SLC8A1: variants seen among roughly 807,000 people sequenced by gnomAD.
SLC8A1 encodes sodium/calcium exchanger 1.
A neutral mutation model predicts 68.3 loss-of-function variants in SLC8A1; 18 were observed. The ratio of observed to expected loss-of-function variants is 0.26; its 90% confidence interval spans 0.18 to 0.39. The LOEUF (loss-of-function observed/expected upper bound fraction) is 0.39, where lower values mean the gene tolerates loss of function less well. Ranked by LOEUF, SLC8A1 falls within the 10% of genes least tolerant of loss-of-function variation. SLC8A1 has a pLI of 1.00. For missense variants in SLC8A1, 985 were observed against 1,156.7 expected (o/e 0.85, Z 2.15); for synonymous variants, 475 against 415.5 (o/e 1.14, Z -1.74).
At chr2:40,335,388 C>T (rs1427801423) in intron 2 of SLC8A1, among the ~76,000 whole-genome samples, 4 of 152,132 alleles carry the variant, frequency 2.6e-5, no homozygotes, top group Non-Finnish European at 5.9e-5. Flanking sequence ...GATATGGCTT[C>T]ATCTGGAAAG....
rs575233407 is a variant in SLC8A1 at position 40,134,127 on chromosome 2, T to G, written c.2437+5274A>C. 3.3e-5 allele frequency among the ~76,000 whole-genome samples: 5 copies of G among 151,824 alleles called. No individual in the cohort carries two copies. The East Asian group carries it at 9.7e-4, about 29-fold the overall frequency. On this transcript the variant is annotated intron_variant, in intron 7 of 7. Transcript: ENST00000406785. Reference sequence around the variant, plus strand: ...TTTTTTTTGAGATGGAATCTTGCTCTGTTGCCCAGGCTGGAGTGCAGTGGT... The same window carrying G: ...TTTTTTTTGAGATGGAATCTTGCTCGGTTGCCCAGGCTGGAGTGCAGTGGT...
At chr2:40,273,349 T>A (rs773120320) in intron 2 of SLC8A1, among the ~76,000 whole-genome samples, 1 of 152,060 alleles carries the variant, frequency 6.6e-6, no homozygotes, top group African/African-American at 2.4e-5. Context: ...CGCCTCGGCT[T>A]CCCAAAGCGC....
chr2:40,448,092 C>T (rs962807609), intron 1 of SLC8A1, among the ~76,000 whole-genome samples: 9 of 152,188 alleles, frequency 5.9e-5, no homozygotes, highest in African/African-American at 1.7e-4. Context: ...GCAAGGACTA[C>T]GAGCAACTGT....
At chr2:40,174,710 C>G in intron 4 of SLC8A1, 1 of 1,530,070 alleles carries the variant, frequency 6.5e-7, no homozygotes. Context: ...TCTTACCAAA[C>G]AGGTATTTTC....
intron 7 of SLC8A1, among the ~76,000 whole-genome samples, chr2:40,119,661 T>C (rs1363678424): frequency 6.6e-6 from 1 of 152,186 alleles, no homozygotes; most frequent in Non-Finnish European, 1.5e-5. Flanking sequence ...GATAAAAACT[T>C]TTATATATGG....
chr2:40,373,883 G>A (rs1678954657), intron 2 of SLC8A1, among the ~76,000 whole-genome samples: 1 of 152,074 alleles, frequency 6.6e-6, no homozygotes, highest in South Asian at 2.1e-4. Flanking sequence ...AATAGGTTTA[G>A]GTATTCTCTT....
chr2:40,281,416 T>G (rs1030676569), intron 2 of SLC8A1, among the ~76,000 whole-genome samples: 3 of 152,096 alleles, frequency 2.0e-5, no homozygotes, highest in Admixed American at 1.3e-4. Flanking sequence ...AGTTGAAAGG[T>G]GCTATAAACA....
At chr2:40,479,786 A>G (rs1704513838) in intron 1 of SLC8A1, among the ~76,000 whole-genome samples, 1 of 152,112 alleles carries the variant, frequency 6.6e-6, no homozygotes, top group African/African-American at 2.4e-5. Context: ...CAATTAAAAA[A>G]CCATTAATAT....
chr2:40,408,642 G>T (rs1389174578), intron 2 of SLC8A1, among the ~76,000 whole-genome samples: 1 of 152,136 alleles, frequency 6.6e-6, no homozygotes, highest in East Asian at 1.9e-4. Context: ...TACAATAACA[G>T]CTTCTAATGA....
chr2:40,375,292 T>A (rs12478677), intron 2 of SLC8A1, among the ~76,000 whole-genome samples: 1 of 151,550 alleles, frequency 6.6e-6, no homozygotes, highest in Non-Finnish European at 1.5e-5. Context: ...CAAGACAGAA[T>A]TGACTCAAAA....
At chr2:40,284,463 A>ATATATCTATAGATATGTATGTATACATG (rs1426423756) in intron 2 of SLC8A1, among the ~76,000 whole-genome samples, 2,263 of 146,600 alleles carry the variant, frequency 0.015, 68 homozygotes, top group African/African-American at 0.053. Flanking sequence ...ATCTATAGAT[A>ATATATCTATAGATATGTATGTATACATG]TATATCTATA....
intron 1 of SLC8A1, chr2:40,446,499 G>A (rs1389130923): frequency 1.3e-5 from 2 of 152,170 alleles, no homozygotes; most frequent in Non-Finnish European, 2.9e-5. Context: ...CACTCTTTCT[G>A]AATAAATTAA....
intron 2 of SLC8A1, among the ~76,000 whole-genome samples, chr2:40,342,664 T>C (rs914057988): frequency 6.6e-6 from 1 of 152,158 alleles, no homozygotes; most frequent in African/African-American, 2.4e-5. Context: ...ATTTAAAAAG[T>C]GGATCCTTCT....
At position 40,440,299 on chromosome 2, in the gene SLC8A1, T is replaced by C. The variant is rs545652186; in HGVS notation, c.-24-9995A>G. The stretch of plus-strand genomic sequence containing the variant: ...ATGAGGATTATAATAGATGTGAATT[T>C]ATCTATCACAAAGGTGGTCCTAAAA... On this transcript the variant is annotated intron_variant, in intron 1 of 7. Transcript: ENST00000406785. Among the ~76,000 whole-genome samples the C allele has an allele frequency of 3.5e-4, 54 of 152,276 alleles. 1 individual carries two copies. The highest frequency in any genetic ancestry group is 1.2e-3 in the African/African-American group (50 of 41,562).
intron 1 of SLC8A1, among the ~76,000 whole-genome samples, chr2:40,440,304 A>T (rs964138794): frequency 6.6e-6 from 1 of 152,166 alleles, no homozygotes. Context: ...GAATTTATCT[A>T]TCACAAAGGT....
At chr2:40,484,987 GA>G (rs1448531729) in intron 1 of SLC8A1, among the ~76,000 whole-genome samples, 1 of 152,186 alleles carries the variant, frequency 6.6e-6, no homozygotes, top group Non-Finnish European at 1.5e-5. Flanking sequence ...TTTTATAAAA[GA>G]AAGTGTTTGA....
Position 40,269,363 on chromosome 2 carries a change from C to A in SLC8A1, c.1809-91508G>T, listed in dbSNP as rs140573877. Among the ~76,000 whole-genome samples, 16 of 152,160 alleles carry A rather than the reference C, an allele frequency of 1.1e-4. No homozygotes were observed. The South Asian group carries it at 1.9e-3, about 18-fold the overall frequency. On this transcript the variant is annotated intron_variant, in intron 2 of 7. Coordinates refer to ENST00000406785, the Ensembl canonical transcript of SLC8A1. ...ACACTGCTTATTAGAAATAAAACACCGTGTGAATGTACCTTCCACTTCGAA... is the reference window on the plus strand; with the variant it reads ...ACACTGCTTATTAGAAATAAAACACAGTGTGAATGTACCTTCCACTTCGAA...
intron 2 of SLC8A1, among the ~76,000 whole-genome samples, chr2:40,231,453 T>A (rs368330631): frequency 4.6e-5 from 7 of 152,132 alleles, no homozygotes; most frequent in African/African-American, 1.7e-4. Flanking sequence ...TGGCTGCCCA[T>A]TTCTCTCTAA....
At chr2:40,256,043 A>AACTC (rs1253679736) in intron 2 of SLC8A1, among the ~76,000 whole-genome samples, 2 of 152,178 alleles carry the variant, frequency 1.3e-5, no homozygotes, top group African/African-American at 2.4e-5. Flanking sequence ...GCTGTATGGG[A>AACTC]ACTCAGAAAT....
Sources: allele counts gnomAD v4.1 joint callset (sites outside exome capture counted in the v4.1 genomes callset), GRCh38; gene constraint gnomAD v4.1.1; transcripts MANE v1.5; gene names NCBI Gene and HGNC (gene_info 2026-07-23, HGNC 2026-07-21).